Variants in ROCK2 observed in about 807,000 individuals in gnomAD.
ROCK2 encodes Rho associated coiled-coil containing protein kinase 2.
In ROCK2, 61 loss-of-function variants were observed where a neutral mutation model predicts 195.1. The observed-to-expected ratio is 0.31, with a 90% CI of 0.25 to 0.39. ROCK2 has a LOEUF of 0.39. ROCK2 is among the 10% of genes least tolerant of loss of function. The pLI, the probability that ROCK2 is intolerant of heterozygous loss-of-function variation, is 1.00. For synonymous variants in ROCK2, 504 were observed against 545.5 expected (o/e 0.92, Z 1.06); for missense variants, 1,109 against 1,637.4 (o/e 0.68, Z 5.57).
At chr2:11,224,803 C>T (rs554349338) in intron 6 of ROCK2, among the ~76,000 whole-genome samples, 12 of 151,770 alleles carry the variant, frequency 7.9e-5, no homozygotes, top group African/African-American at 2.9e-4. Context: ...TCAGATCAGT[C>T]AGGGTCCTTT....
chr2:11,227,986 T>C (rs1664872673), intron 5 of ROCK2, among the ~76,000 whole-genome samples: 1 of 152,208 alleles, frequency 6.6e-6, no homozygotes, highest in Non-Finnish European at 1.5e-5. Context: ...GGCATCAATA[T>C]ATTTGGCATG....
chr2:11,222,832 C>T (rs1664682371), intron 7 of ROCK2, among the ~76,000 whole-genome samples: 1 of 152,092 alleles, frequency 6.6e-6, no homozygotes, highest in South Asian at 2.1e-4. Context: ...AGGGGAAGTG[C>T]TCCTAGCCAT....
rs533909409 is a variant in ROCK2, at chr2:11,339,306, G to A, written c.141+4690C>T. On this transcript the variant is annotated intron_variant, in intron 1 of 32. Transcript: ENST00000315872. ...AAATACAGCAAAATATTAATTATGC[G>A]GTAAATATATGGATGTTCACTGTCG... Among the ~76,000 whole-genome samples, 10 of 151,946 alleles carry A rather than the reference G, an allele frequency of 6.6e-5. No homozygotes were observed. In the East Asian group the frequency reaches 7.7e-4, roughly 12 times the overall value.
chr2:11,308,737 C>A (rs1288121756), intron 1 of ROCK2: 3 of 1,612,022 alleles, frequency 1.9e-6, no homozygotes. Flanking sequence ...GTGCAGCTAT[C>A]TTCTTTGAAT....
intron 3 of ROCK2, among the ~76,000 whole-genome samples, chr2:11,262,981 A>T (rs1028018376): frequency 6.6e-6 from 1 of 152,222 alleles, no homozygotes; most frequent in Non-Finnish European, 1.5e-5. Context: ...ATACACAAAA[A>T]AAATGTTCTC....
At chr2:11,343,897 C>T in intron 1 of ROCK2, 99 bp downstream of exon 1, 1 of 1,409,120 alleles carries the variant, frequency 7.1e-7, no homozygotes, top group Non-Finnish European at 9.4e-7. Flanking sequence ...GGGGCAAGAC[C>T]TCCCCCTCCC....
At chr2:11,221,452 CTATA>C in intron 8 of ROCK2, 95 bp from the exon 9 acceptor site, 1 of 895,848 alleles carries the variant, frequency 1.1e-6, no homozygotes, top group Non-Finnish European at 1.5e-6. Flanking sequence ...TTTAATAACA[CTATA>C]TAAATTTGTA....
chr2:11,293,929 C>T (rs1667433811), intron 1 of ROCK2, among the ~76,000 whole-genome samples: 1 of 152,024 alleles, frequency 6.6e-6, no homozygotes, highest in South Asian at 2.1e-4. Flanking sequence ...GAGGCCGAGG[C>T]GGGAGGATCG....
rs1430169778 is a variant in ROCK2 at position 11,183,393 on chromosome 2, A to T, written c.*44T>A. 19 of 1,558,660 alleles carry T rather than the reference A, an allele frequency of 1.2e-5. No individual in the cohort carries two copies. Among genetic ancestry groups the T allele is most frequent in the Non-Finnish European group, 1.6e-5 (18 of 1,147,706 alleles). ...ATATTTCAGTCTTGTTTTCACTGGA[A>T]GAATACGATCACCTTGAATAATGAC... On this transcript the variant is annotated 3_prime_UTR_variant, in exon 33 of 33. Coordinates refer to ENST00000315872, the MANE Select transcript of ROCK2 (RefSeq NM_004850.5).
At chr2:11,195,211 C>A in intron 27 of ROCK2, 186 bp from the exon 28 acceptor site, 2 of 332,270 alleles carry the variant, frequency 6.0e-6, no homozygotes, top group Admixed American at 4.8e-5. Context: ...CAATGCAAAA[C>A]AAAATCCAGG....
rs1489878372 is a variant in ROCK2 at position 11,182,286 on chromosome 2, C to T, written c.*1151G>A. 1 of 152,140 alleles carries T rather than the reference C, an allele frequency of 6.6e-6. No individual in the cohort carries two copies. The highest frequency in any genetic ancestry group is 2.4e-5 in the African/African-American group (1 of 41,422). The allele number at this position is 152,140 out of a possible 1,614,324, so 9.4% of individuals were successfully genotyped here. A position where few individuals can be genotyped will look rare whatever the true frequency, so the allele number is the denominator to read the frequency against. ...TATTTAAAATGCATCTACAGTCTGTCTTAGTTTTCTTTATATTTGGGAAAA... is the reference window on the plus strand; with the variant it reads ...TATTTAAAATGCATCTACAGTCTGTTTTAGTTTTCTTTATATTTGGGAAAA... On this transcript the variant is annotated 3_prime_UTR_variant, in exon 33 of 33. Transcript: ENST00000315872.
chr2:11,197,360 T>G lies in ROCK2; in HGVS notation c.3280-12A>C, dbSNP rs1223147427. ...TCTTCAGCTATTTGCTATAAGAAAT[T>G]TAATTACAATAAGTTAATTGGATGC... On this transcript the variant is annotated splice_polypyrimidine_tract_variant and intron_variant, in intron 26 of 32. Coordinates refer to ENST00000315872, the MANE Select transcript of ROCK2 (RefSeq NM_004850.5). This position sits in a 1 kb window ranked among gnomAD's most constrained non-coding sequence, Gnocchi z 4.9. 3.7e-6 allele frequency: 6 copies of G among 1,607,886 alleles called. No individual in the cohort carries two copies. Among genetic ancestry groups the G allele is most frequent in the Non-Finnish European group, 5.1e-6 (6 of 1,177,172 alleles).
At chr2:11,225,545 C>T (rs1465508780) in intron 6 of ROCK2, among the ~76,000 whole-genome samples, 2 of 151,700 alleles carry the variant, frequency 1.3e-5, no homozygotes, top group African/African-American at 4.8e-5. Flanking sequence ...CTCATATGTT[C>T]CCCAGGCTGG....
chr2:11,247,521 A>T (rs887128518), intron 4 of ROCK2, among the ~76,000 whole-genome samples: 3 of 152,210 alleles, frequency 2.0e-5, no homozygotes, highest in African/African-American at 7.2e-5. Flanking sequence ...GCTCCCTCAG[A>T]TCCATTATCT....
At chr2:11,252,884 G>A (rs1665884715) in intron 3 of ROCK2, among the ~76,000 whole-genome samples, 1 of 151,400 alleles carries the variant, frequency 6.6e-6, no homozygotes, top group Non-Finnish European at 1.5e-5. Context: ...CATGGCACAC[G>A]TATACCTATG....
intron 1 of ROCK2, among the ~76,000 whole-genome samples, chr2:11,336,947 A>G (rs1668947160): frequency 6.6e-6 from 1 of 152,216 alleles, no homozygotes; most frequent in East Asian, 1.9e-4. Flanking sequence ...TTTTTATTAA[A>G]AAAAGAGATA....
Position 11,299,547 on chromosome 2 carries a change from G to GA in ROCK2, c.142-11812dup, listed in dbSNP as rs879549214. Among the ~76,000 whole-genome samples the GA allele has an allele frequency of 2.1e-3, 307 of 145,728 alleles. 2 individuals carry two copies. The highest frequency in any genetic ancestry group is 0.013 in the East Asian group (65 of 5,078). On this transcript the variant is annotated intron_variant, in intron 1 of 32. Coordinates refer to ENST00000315872, the MANE Select transcript of ROCK2 (RefSeq NM_004850.5). ...TTCAATTCTCGTAAAAGTTCCACTAGAAAAAAAAAAATGGAGAAGTGTTTT... is the reference window on the plus strand; with the variant it reads ...TTCAATTCTCGTAAAAGTTCCACTAGAAAAAAAAAAAATGGAGAAGTGTTTT...
At chr2:11,246,648 C>A (rs542666563) in intron 4 of ROCK2, among the ~76,000 whole-genome samples, 16 of 151,742 alleles carry the variant, frequency 1.1e-4, no homozygotes, top group Non-Finnish European at 2.4e-4. Flanking sequence ...ACAGATAGGC[C>A]CAAGATTTAA....
At chr2:11,263,052 TGA>T (rs1326940267) in intron 3 of ROCK2, among the ~76,000 whole-genome samples, 2 of 152,126 alleles carry the variant, frequency 1.3e-5, no homozygotes, top group African/African-American at 4.8e-5. Context: ...AAAAACATGT[TGA>T]GAGATAATTT....
Sources: gnomAD v4.1 joint callset for allele counts (sites outside exome capture counted in the v4.1 genomes callset) on GRCh38, gnomAD v4.1.1 for gene constraint, Gnocchi (gnomAD v3.1) non-coding constraint, MANE v1.5 for transcripts, NCBI Gene and HGNC (gene_info 2026-07-23, HGNC 2026-07-21) for gene names.